The following PTBP3 variants were observed in gnomAD, a reference collection of about 807,000 sequenced individuals.
PTBP3 encodes the protein polypyrimidine tract binding protein 3.
Under a neutral mutation model 58.7 loss-of-function variants are expected in PTBP3, and 20 were observed. The ratio of observed to expected loss-of-function variants is 0.34; its 90% CI spans 0.24 to 0.50. The LOEUF (loss-of-function observed/expected upper bound fraction) is 0.50, where lower values mean the gene tolerates loss of function less well. Among genes scored for constraint, PTBP3 ranks in the 20% least tolerant of loss-of-function variants. The pLI is 0.98. For missense variants in PTBP3, 509 were observed against 637.2 expected, an observed-to-expected ratio of 0.80 and a Z score of 2.17; for synonymous variants, 185 against 219.8, an observed-to-expected ratio of 0.84 and a Z score of 1.40.
the PTBP3 span, among the ~76,000 whole-genome samples, chr9:112,376,170 T>C: frequency 2.8e-5 from 4 of 145,416 alleles, no homozygotes; most frequent in Non-Finnish European, 6.0e-5. Context: ...TATATATATA[T>C]ATATATATCC....
chr9:112,306,524 A>G (rs1829219997), intron 1 of PTBP3, among the ~76,000 whole-genome samples: 1 of 151,814 alleles, frequency 6.6e-6, no homozygotes, highest in African/African-American at 2.4e-5. Flanking sequence ...AAAGAAAAAC[A>G]GTAGTCTGAA....
the PTBP3 span, among the ~76,000 whole-genome samples, chr9:112,377,117 C>T: frequency 6.6e-6 from 1 of 152,204 alleles, no homozygotes; most frequent in Admixed American, 6.5e-5. Context: ...AAACATTTCC[C>T]AGCACCTTGG....
rs1164830729 is a variant in PTBP3, at chr9:112,221,334, G to A, written c.*2517C>T. 1 of 985,524 alleles carries A rather than the reference G, an allele frequency of 1.0e-6. No homozygotes were observed. The highest frequency in any genetic ancestry group is 1.7e-5 in the African/African-American group (1 of 57,176). The allele number at this position is 985,524 out of a possible 1,614,324, so 61.0% of individuals were successfully genotyped here. The stretch of plus-strand genomic sequence containing the variant: ...ACAAATCCCTGAAAAGGATTCAAAT[G>A]TTCTCTCTCAGACTTAAAAGGCCAT... On this transcript the variant is annotated 3_prime_UTR_variant, in exon 14 of 14. Coordinates refer to ENST00000374257, the MANE Select transcript of PTBP3 (RefSeq NM_001163788.4).
chr9:112,326,894 G>C (rs73545868), intron 1 of PTBP3, among the ~76,000 whole-genome samples: 7,038 of 152,164 alleles, frequency 0.046, 397 homozygotes, highest in African/African-American at 0.14. Flanking sequence ...CATCTAGTTG[G>C]TTCTTCATTT....
chr9:112,249,096 A>T (rs1298382142), intron 7 of PTBP3, among the ~76,000 whole-genome samples: 1 of 152,174 alleles, frequency 6.6e-6, no homozygotes, highest in African/African-American at 2.4e-5. Flanking sequence ...GCTTTAAAAA[A>T]TTTTTAAGTT....
chr9:112,236,392 T>C (rs1589806246), intron 7 of PTBP3, among the ~76,000 whole-genome samples: 2 of 152,120 alleles, frequency 1.3e-5, no homozygotes, highest in African/African-American at 2.4e-5. Context: ...AGACAAGATT[T>C]TGTCTTTGCT....
intron 2 of PTBP3, among the ~76,000 whole-genome samples, chr9:112,285,901 A>G (rs10981340): frequency 0.36 from 54,626 of 152,024 alleles, 10,001 homozygotes; most frequent in South Asian, 0.45. Context: ...GACTGACAGC[A>G]GAGTGCTATC....
chr9:112,304,135 C>G (rs1176770523), intron 1 of PTBP3, among the ~76,000 whole-genome samples: 3 of 152,024 alleles, frequency 2.0e-5, no homozygotes, highest in Admixed American at 6.6e-5. Flanking sequence ...CCACTGCACT[C>G]CAGCCTGGGC....
upstream of PTBP3, among the ~76,000 whole-genome samples, chr9:112,336,301 A>G (rs1204950058): frequency 2.6e-5 from 4 of 152,200 alleles, no homozygotes; most frequent in African/African-American, 4.8e-5. Context: ...CACACATATT[A>G]TTACATCTGA....
chr9:112,222,757 G>A lies in PTBP3; in HGVS notation c.*1094C>T. On this transcript the variant is annotated 3_prime_UTR_variant, in exon 14 of 14. Coordinates refer to ENST00000374257, the MANE Select transcript of PTBP3 (RefSeq NM_001163788.4). ...CACAATATAGCTTTCAAGATATTTA[G>A]ATTAAACTCTAACCTATTGTATCTT... 2 of 962,544 alleles carry A rather than the reference G, an allele frequency of 2.1e-6. No individual in the cohort carries two copies. Among genetic ancestry groups the A allele is most frequent in the Non-Finnish European group, 2.5e-6 (2 of 808,792 alleles). 59.6% of individuals were successfully genotyped at this position (962,544 alleles called of 1,614,324 possible). A position where few individuals can be genotyped will look rare whatever the true frequency, so the allele number is the denominator to read the frequency against.
chr9:112,325,666 G>A (rs561787936), intron 1 of PTBP3, among the ~76,000 whole-genome samples: 5 of 150,878 alleles, frequency 3.3e-5, no homozygotes, highest in African/African-American at 1.2e-4. Context: ...ATTTTGCTGA[G>A]TAAAAGAAAT....
chr9:112,227,702 T>C (rs1835045679), intron 11 of PTBP3, 75 bp from the exon 12 acceptor site: 11 of 1,125,412 alleles, frequency 9.8e-6, no homozygotes, highest in Non-Finnish European at 1.5e-5. Flanking sequence ...AACATTACCA[T>C]AAATTATTTT....
At chr9:112,332,766 AC>A (rs768441521) in intron 1 of PTBP3, 2 of 1,611,962 alleles carry the variant, frequency 1.2e-6, no homozygotes, top group African/African-American at 2.7e-5. Flanking sequence ...AATCGCTCGT[AC>A]ATCATATTTT....
chr9:112,297,809 TTA>T, intron 2 of PTBP3, 21 bp downstream of exon 2: 1 of 1,402,984 alleles, frequency 7.1e-7, no homozygotes, highest in South Asian at 1.3e-5. Flanking sequence ...AAATCAAATA[TTA>T]AAAAAAAAAA....
chr9:112,319,767 A>C (rs998264455), intron 1 of PTBP3, among the ~76,000 whole-genome samples: 1 of 152,222 alleles, frequency 6.6e-6, no homozygotes, highest in African/African-American at 2.4e-5. Context: ...AAAATATGAA[A>C]CCAATCAAAA....
the PTBP3 span, among the ~76,000 whole-genome samples, chr9:112,370,876 T>G: frequency 6.6e-6 from 1 of 152,196 alleles, no homozygotes; most frequent in Admixed American, 6.5e-5. Flanking sequence ...ATTTTATTCA[T>G]TTTGATGTTC....
chr9:112,317,628 G>C (rs1362273733), intron 1 of PTBP3, among the ~76,000 whole-genome samples: 4 of 152,078 alleles, frequency 2.6e-5, no homozygotes, highest in Non-Finnish European at 4.4e-5. Context: ...AATTACTACA[G>C]ATCCTACAAC....
intron 1 of PTBP3, among the ~76,000 whole-genome samples, chr9:112,321,127 T>C (rs1354933256): frequency 6.6e-6 from 1 of 152,194 alleles, no homozygotes. Flanking sequence ...AAAGGACTTA[T>C]ATTCACAATA....
At chr9:112,274,976 T>C (rs1337903365) in intron 3 of PTBP3, among the ~76,000 whole-genome samples, 1 of 152,198 alleles carries the variant, frequency 6.6e-6, no homozygotes. Context: ...TGTCACTTCC[T>C]TGTTCCCACC....
Sources: gnomAD v4.1 joint callset for allele counts (sites outside exome capture counted in the v4.1 genomes callset) on GRCh38, gnomAD v4.1.1 for gene constraint, MANE v1.5 for transcripts, NCBI Gene and HGNC (gene_info 2026-07-23, HGNC 2026-07-21) for gene names.